UTRN: variants seen among roughly 807,000 people sequenced by gnomAD.
The protein encoded by UTRN is utrophin.
UTRN carries 283 observed loss-of-function variants against 463.9 expected under a neutral mutation model. The observed-to-expected ratio is 0.61, with a 90% CI of 0.55 to 0.67. The LOEUF (loss-of-function observed/expected upper bound fraction) is 0.67. Among genes scored for constraint, UTRN ranks in the 30% least tolerant of loss-of-function variants. The pLI, the probability that UTRN is intolerant of heterozygous loss-of-function variation, is 0.00. For synonymous variants in UTRN, 1,442 were observed against 1,431.5 expected (o/e 1.01, Z -0.17); for missense variants, 3,922 against 4,084.3 (o/e 0.96, Z 1.08).
chr6:144,531,172 G>A lies in UTRN; in HGVS notation c.6027G>A (p.Leu2009=). ...ATACCTGTGCTCCAGGTGGCAGCCT[G>A]GACTTAGAGAAAGCCAGGATACATC... ...LVDTCAPGGS[L]DLEKARIHQQ... The change falls in exon 42 of 75, where the codon CTG becomes CTA. Residue 2009 remains leucine, a synonymous_variant. Coordinates refer to ENST00000367545, the MANE Select transcript of UTRN (RefSeq NM_007124.3). 6.2e-7 allele frequency: 1 copy of A among 1,613,892 alleles called. No individual in the cohort carries two copies. The highest frequency in any genetic ancestry group is 8.5e-7 in the Non-Finnish European group (1 of 1,179,882).
At chr6:144,667,797 G>C (rs1329510389) in intron 51 of UTRN, among the ~76,000 whole-genome samples, 1 of 152,042 alleles carries the variant, frequency 6.6e-6, no homozygotes, top group Non-Finnish European at 1.5e-5. Context: ...TAATGAGACT[G>C]CAATTTTCTA....
rs1026163602 is a variant in UTRN at position 144,404,367 on chromosome 6, AG to A, written c.141+1185del. Among the ~76,000 whole-genome samples, 12 of 152,204 alleles carry A rather than the reference AG, an allele frequency of 7.9e-5. No homozygotes were observed. In the East Asian group the frequency reaches 2.3e-3, roughly 29 times the overall value. ...TTAGTTTGTTTTATTCCAGAGACAC[AG>A]GTAACATATGTGCATCTCGGGCTTG... On this transcript the variant is annotated intron_variant, in intron 3 of 74. Transcript: ENST00000367545.
At chr6:144,298,794 G>A (rs1804979317) in intron 2 of UTRN, among the ~76,000 whole-genome samples, 1 of 152,172 alleles carries the variant, frequency 6.6e-6, no homozygotes, top group Admixed American at 6.5e-5. Context: ...CATTTCTGAT[G>A]TAGCAGAGGA....
intron 51 of UTRN, among the ~76,000 whole-genome samples, chr6:144,589,951 A>G (rs1414710532): frequency 6.6e-6 from 1 of 151,780 alleles, no homozygotes; most frequent in Non-Finnish European, 1.5e-5. Flanking sequence ...TCCTGGGCTC[A>G]AGCTATCCTC....
chr6:144,559,043 T>C lies in UTRN; in HGVS notation c.7289+1732T>C, dbSNP rs142282071. Reference sequence around the variant, plus strand: ...TAGGACTTTGTTTTCCTTGTAAACTTAACAAAAAATTTATCCGTTAGGAAT... The same window carrying C: ...TAGGACTTTGTTTTCCTTGTAAACTCAACAAAAAATTTATCCGTTAGGAAT... On this transcript the variant is annotated intron_variant, in intron 50 of 74. Transcript: ENST00000367545. 3.4e-3 allele frequency among the ~76,000 whole-genome samples: 519 copies of C among 152,190 alleles called. 4 individuals are homozygous for C. Among genetic ancestry groups the C allele is most frequent in the African/African-American group, 0.012 (494 of 41,544 alleles).
chr6:144,533,125 CA>C lies in UTRN; in HGVS notation c.6099del (p.Ala2034HisfsTer2). On this transcript the variant is annotated frameshift_variant, in exon 43 of 75. Transcript: ENST00000367545. LOFTEE classifies it high-confidence loss of function. ...ATCAGCAGCCACCAGCCCAGTTTTGCAGCACTAAACCGAACTGGGGATGGGA... is the reference window on the plus strand; with the variant it reads ...ATCAGCAGCCACCAGCCCAGTTTTGCGCACTAAACCGAACTGGGGATGGGA... ...VGISSHQPSF[A>X]ALNRTGDGIV... is the part of the protein sequence containing the mutation. 6.2e-7 allele frequency: 1 copy of C among 1,613,706 alleles called. No homozygotes were observed. The highest frequency in any genetic ancestry group is 8.5e-7 in the Non-Finnish European group (1 of 1,179,796).
chr6:144,453,636 C>A, intron 18 of UTRN, 146 bp from the exon 19 acceptor site: 2 of 563,872 alleles, frequency 3.5e-6, no homozygotes, highest in South Asian at 3.6e-5. Flanking sequence ...GAAACCAATG[C>A]TTTTTAGTTG....
At chr6:144,342,660 A>G (rs575184419) in intron 2 of UTRN, among the ~76,000 whole-genome samples, 1 of 152,350 alleles carries the variant, frequency 6.6e-6, no homozygotes, top group African/African-American at 2.4e-5. Context: ...TATGAAATGT[A>G]CAGAATAGGT....
At chr6:144,562,151 G>A (rs1420608220) in intron 50 of UTRN, among the ~76,000 whole-genome samples, 2 of 151,832 alleles carry the variant, frequency 1.3e-5, no homozygotes, top group East Asian at 3.9e-4. Context: ...CAACCATCCT[G>A]GGAAGAAAAG....
intron 24 of UTRN, 74 bp downstream of exon 24, chr6:144,473,907 T>A: frequency 9.1e-7 from 1 of 1,095,702 alleles, no homozygotes; most frequent in Non-Finnish European, 1.3e-6. Flanking sequence ...GCTGCTATTA[T>A]TAAAATTGTG....
At chr6:144,358,377 G>A (rs1446878164) in intron 2 of UTRN, among the ~76,000 whole-genome samples, 1 of 152,150 alleles carries the variant, frequency 6.6e-6, no homozygotes, top group Non-Finnish European at 1.5e-5. Flanking sequence ...AATGAATCAG[G>A]TTTAGCTGAA....
At chr6:144,307,398 T>A (rs1472052851) in intron 2 of UTRN, among the ~76,000 whole-genome samples, 1 of 152,204 alleles carries the variant, frequency 6.6e-6, no homozygotes, top group Non-Finnish European at 1.5e-5. Flanking sequence ...CTGCATATTT[T>A]CTTAGAAAAA....
In UTRN at chr6:144,537,636, T is replaced by C; in HGVS notation, c.6288T>C (p.Ile2096=). 1 of 1,612,818 alleles carries C rather than the reference T, an allele frequency of 6.2e-7. No homozygotes were observed. Reference sequence around the variant, plus strand: ...AGTACAGGCATCAGCTAGATGAGATTATCTGTTGGTTAACAAAGGCTGAGC... The same window carrying C: ...AGTACAGGCATCAGCTAGATGAGATCATCTGTTGGTTAACAAAGGCTGAGC... ...VMKYRHQLDE[I]ICWLTKAEHA... The change falls in exon 44 of 75, where the codon ATT becomes ATC. Residue 2096 remains isoleucine (I), a synonymous_variant. Transcript: ENST00000367545.
chr6:144,715,991 T>C (rs6930763), intron 53 of UTRN, among the ~76,000 whole-genome samples: 2,637 of 152,234 alleles, frequency 0.017, 70 homozygotes, highest in African/African-American at 0.06. Flanking sequence ...ATAACTGAAA[T>C]AGAAGTGTAA....
At chr6:144,548,452 T>C (rs1446967335) in intron 46 of UTRN, among the ~76,000 whole-genome samples, 188 bp from the exon 47 acceptor site, 1 of 152,218 alleles carries the variant, frequency 6.6e-6, no homozygotes, top group Non-Finnish European at 1.5e-5. Flanking sequence ...GTTGGCTTGA[T>C]AGCTACCAAA....
intron 74 of UTRN, among the ~76,000 whole-genome samples, chr6:144,850,186 G>A (rs1206820931): frequency 3.3e-5 from 5 of 152,188 alleles, no homozygotes; most frequent in Non-Finnish European, 7.4e-5. Context: ...AGAGTCAAAT[G>A]AGTTTGCTGC....
At chr6:144,421,799 A>G (rs1484632918) in intron 3 of UTRN, 79 bp from the exon 4 acceptor site, 3 of 998,742 alleles carry the variant, frequency 3.0e-6, no homozygotes, top group Non-Finnish European at 2.8e-6. Context: ...AAATGAAGCC[A>G]CTCATTTATT....
intron 57 of UTRN, 144 bp from the exon 58 acceptor site, chr6:144,757,785 C>T: frequency 3.2e-6 from 2 of 627,284 alleles, no homozygotes; most frequent in Non-Finnish European, 5.2e-6. Flanking sequence ...TTTGTTTGGC[C>T]CAGTGGATCT....
intron 2 of UTRN, among the ~76,000 whole-genome samples, chr6:144,343,377 C>T (rs1274912813): frequency 6.9e-6 from 1 of 143,984 alleles, no homozygotes; most frequent in African/African-American, 2.8e-5. Flanking sequence ...CACACACACA[C>T]ACACACACAC....
Sources: gnomAD v4.1 joint callset for allele counts (sites outside exome capture counted in the v4.1 genomes callset) on GRCh38, gnomAD v4.1.1 for gene constraint, MANE v1.5 for transcripts, NCBI Gene and HGNC (gene_info 2026-07-23, HGNC 2026-07-21) for gene names.